PRMT3: variants seen among roughly 807,000 people sequenced by gnomAD.
PRMT3 encodes the protein protein arginine methyltransferase 3, also known as protein arginine N-methyltransferase 3.
A neutral mutation model predicts 71.9 loss-of-function variants in PRMT3; 62 were observed. That is an observed-to-expected ratio of 0.86 (90% CI 0.70 to 1.07). The LOEUF (loss-of-function observed/expected upper bound fraction) is 1.07. Among genes scored for constraint, PRMT3 ranks in the 50% least tolerant of loss-of-function variants. The probability of loss-of-function intolerance (pLI) is 0.00; values close to 1 mark genes in which losing one functional copy is unlikely to be tolerated. For synonymous variants in PRMT3, 213 were observed against 220.4 expected, an observed-to-expected ratio of 0.97 and a Z score of 0.30; for missense variants, 663 against 643.0, an observed-to-expected ratio of 1.03 and a Z score of -0.34.
At chr11:20,432,156 A>G (rs1299240961) in intron 10 of PRMT3, among the ~76,000 whole-genome samples, 3 of 152,102 alleles carry the variant, frequency 2.0e-5, no homozygotes, top group Non-Finnish European at 4.4e-5. Context: ...AAGTATTCTA[A>G]TCATGAATAT....
chr11:20,474,926 C>G (rs956634713), intron 13 of PRMT3, among the ~76,000 whole-genome samples: 2 of 152,174 alleles, frequency 1.3e-5, no homozygotes, highest in African/African-American at 4.8e-5. Flanking sequence ...ACCTGACTGG[C>G]TAATAATTTT....
chr11:20,434,257 T>G (rs758087257), intron 10 of PRMT3, among the ~76,000 whole-genome samples: 2 of 152,202 alleles, frequency 1.3e-5, no homozygotes, highest in African/African-American at 2.4e-5. Context: ...TTAAATTCCT[T>G]ATAGATGCTG....
chr11:20,494,141 A>G (rs760010600), intron 14 of PRMT3, 26 bp from the exon 15 acceptor site: 22 of 1,562,490 alleles, frequency 1.4e-5, no homozygotes, highest in South Asian at 5.6e-5. Context: ...TACTTCATCA[A>G]ATACCTTTGA....
In PRMT3 at chr11:20,392,826, C is replaced by G. The variant is rs1462173238; in HGVS notation, c.298-71C>G. The G allele has an allele frequency of 3.1e-6, 3 of 973,404 alleles. No homozygotes were observed. The African/African-American group carries it at 5.0e-5, about 16-fold the overall frequency. The allele number at this position is 973,404 out of a possible 1,614,324, so 60.3% of individuals were successfully genotyped here. On this transcript the variant is annotated intron_variant, in intron 4 of 15. Transcript: ENST00000331079. ...ACATGATTTCCTTTTTGTTTAATTT[C>G]TGTAGTTTTTACTAAGGGGATTTTG...
chr11:20,475,861 A>G (rs1349563528), intron 13 of PRMT3, among the ~76,000 whole-genome samples: 1 of 151,380 alleles, frequency 6.6e-6, no homozygotes, highest in East Asian at 2.0e-4. Context: ...TATTTAGTAG[A>G]GATGGGATTT....
chr11:20,501,962 A>T (rs1409105566), intron 15 of PRMT3, among the ~76,000 whole-genome samples: 1 of 152,214 alleles, frequency 6.6e-6, no homozygotes, highest in Non-Finnish European at 1.5e-5. Flanking sequence ...CTAAGCTTTG[A>T]CAACAATTAA....
At chr11:20,503,480 G>GT (rs1851505904) in intron 15 of PRMT3, among the ~76,000 whole-genome samples, 1 of 152,080 alleles carries the variant, frequency 6.6e-6, no homozygotes, top group Non-Finnish European at 1.5e-5. Flanking sequence ...ACTCCAAAAA[G>GT]TTTCTTCTGC....
At chr11:20,506,086 A>G (rs1366434422) in intron 15 of PRMT3, among the ~76,000 whole-genome samples, 2 of 152,132 alleles carry the variant, frequency 1.3e-5, no homozygotes, top group Non-Finnish European at 2.9e-5. Context: ...CCTTTTCTGA[A>G]CTTCATCTGT....
At chr11:20,499,347 C>T (rs1851403969) in intron 15 of PRMT3, among the ~76,000 whole-genome samples, 2 of 152,192 alleles carry the variant, frequency 1.3e-5, no homozygotes, top group African/African-American at 4.8e-5. Flanking sequence ...AGGGGCCAGG[C>T]GTGGTGGTTC....
chr11:20,426,624 C>T (rs1302933975), intron 9 of PRMT3, 142 bp from the exon 10 acceptor site: 1 of 901,530 alleles, frequency 1.1e-6, no homozygotes, highest in Non-Finnish European at 1.5e-6. Flanking sequence ...AAAATAATTA[C>T]AATGTCCAAA....
chr11:20,457,395 T>G (rs1306229281), intron 11 of PRMT3, among the ~76,000 whole-genome samples: 1 of 152,200 alleles, frequency 6.6e-6, no homozygotes, highest in African/African-American at 2.4e-5. Context: ...AGACCTTAAG[T>G]TGAATCTCTG....
intron 9 of PRMT3, among the ~76,000 whole-genome samples, chr11:20,408,968 A>G (rs1352532833): frequency 2.6e-5 from 4 of 152,120 alleles, no homozygotes; most frequent in Non-Finnish European, 4.4e-5. Flanking sequence ...ATGGTGGTGC[A>G]TGCCTGTAAT....
chr11:20,472,385 G>GT (rs1406556989), intron 13 of PRMT3, among the ~76,000 whole-genome samples: 8 of 152,008 alleles, frequency 5.3e-5, no homozygotes, highest in Admixed American at 4.6e-4. Context: ...CCAATACCTA[G>GT]TTTTAGAGTG....
chr11:20,432,759 AAAT>A (rs1849681955), intron 10 of PRMT3, among the ~76,000 whole-genome samples: 1 of 152,194 alleles, frequency 6.6e-6, no homozygotes. Context: ...AACTGGCATG[AAAT>A]AATATCACAT....
intron 15 of PRMT3, among the ~76,000 whole-genome samples, chr11:20,507,173 A>G (rs1267076259): frequency 2.0e-5 from 3 of 152,174 alleles, no homozygotes; most frequent in African/African-American, 7.2e-5. Flanking sequence ...GGCATTGGGT[A>G]ATTCATTAAT....
intron 10 of PRMT3, among the ~76,000 whole-genome samples, chr11:20,436,604 G>C (rs1028239527): frequency 6.6e-6 from 1 of 152,144 alleles, no homozygotes; most frequent in East Asian, 1.9e-4. Flanking sequence ...TGTACATTTT[G>C]TCATCCTTGC....
chr11:20,483,981 A>T (rs564511984), intron 13 of PRMT3, among the ~76,000 whole-genome samples: 66 of 152,234 alleles, frequency 4.3e-4, no homozygotes, highest in Non-Finnish European at 7.9e-4. Flanking sequence ...AAGTTACAGC[A>T]TCATCATTTC....
At chr11:20,440,538 C>T (rs561835167) in intron 10 of PRMT3, among the ~76,000 whole-genome samples, 10 of 144,328 alleles carry the variant, frequency 6.9e-5, no homozygotes, top group Non-Finnish European at 1.5e-4. Context: ...TGGACTACAT[C>T]AAAATTAAGA....
At chr11:20,483,608 T>G (rs1198373050) in intron 13 of PRMT3, among the ~76,000 whole-genome samples, 1 of 151,126 alleles carries the variant, frequency 6.6e-6, no homozygotes, top group Middle Eastern at 3.4e-3. Context: ...AAACATGGAC[T>G]GAACACTATG....
Sources: allele counts gnomAD v4.1 joint callset (sites outside exome capture counted in the v4.1 genomes callset), GRCh38; gene constraint gnomAD v4.1.1; transcripts MANE v1.5; gene names NCBI Gene and HGNC (gene_info 2026-07-23, HGNC 2026-07-21).